The following ERBB4 variants were observed in gnomAD, a reference collection of about 807,000 sequenced individuals.
ERBB4 encodes erb-b2 receptor tyrosine kinase 4.
Under a neutral mutation model 158.0 loss-of-function variants are expected in ERBB4, and 42 were observed. The ratio of observed to expected loss-of-function variants is 0.27; its 90% CI spans 0.21 to 0.34. The LOEUF is 0.34. Ranked by LOEUF, ERBB4 falls within the 10% of genes least tolerant of loss-of-function variation. ERBB4 has a pLI of 1.00. For synonymous variants in ERBB4, 583 were observed against 558.7 expected (o/e 1.04, Z -0.61); for missense variants, 1,333 against 1,624.1 (o/e 0.82, Z 3.08).
intron 20 of ERBB4, among the ~76,000 whole-genome samples, chr2:211,552,213 A>C (rs998247321): frequency 6.6e-6 from 1 of 152,082 alleles, no homozygotes; most frequent in African/African-American, 2.4e-5. Flanking sequence ...GTAGAGTTGG[A>C]AATGAAAAAA....
At position 211,913,983 on chromosome 2, in the gene ERBB4, T is replaced by C. The variant is rs200978437; in HGVS notation, c.421+33447A>G. 1.9e-4 allele frequency among the ~76,000 whole-genome samples: 24 copies of C among 126,722 alleles called. 1 individual carries two copies. The East Asian group carries it at 4.2e-3, about 22-fold the overall frequency. The allele number at this position is 126,722 out of a possible 152,430, so 83.1% of individuals were successfully genotyped here. A position where few individuals can be genotyped will look rare whatever the true frequency, so the allele number is the denominator to read the frequency against. Reference sequence around the variant, plus strand: ...AATAAGTGGAGAAAATAAAGGAAAGTAGTAAAAAAGTCAAGGACAAGAAAT... The same window carrying C: ...AATAAGTGGAGAAAATAAAGGAAAGCAGTAAAAAAGTCAAGGACAAGAAAT... On this transcript the variant is annotated intron_variant, in intron 3 of 27. Transcript: ENST00000342788.
chr2:211,940,592 TA>T lies in ERBB4; in HGVS notation c.421+6837del, dbSNP rs567211667. 5.3e-5 allele frequency among the ~76,000 whole-genome samples: 8 copies of T among 152,230 alleles called. No homozygotes were observed. The East Asian group carries it at 1.5e-3, about 29-fold the overall frequency. On this transcript the variant is annotated intron_variant, in intron 3 of 27. Transcript: ENST00000342788. ...CCCTAATATTTTCTAAAGGATGCTC[TA>T]GGGATTAAATAGAATGTTCTTCAAA...
chr2:212,144,018 C>CA (rs58331172), intron 1 of ERBB4, among the ~76,000 whole-genome samples: 1,220 of 114,372 alleles, frequency 0.011, 14 homozygotes, highest in East Asian at 0.043. Flanking sequence ...GACTTCATCT[C>CA]AAAAAAAAAA....
intron 2 of ERBB4, among the ~76,000 whole-genome samples, chr2:212,082,631 A>G (rs17344051): frequency 0.15 from 22,386 of 151,944 alleles, 2,108 homozygotes; most frequent in Non-Finnish European, 0.21. Context: ...TTCGTATGAC[A>G]CTCAGTCTTA....
rs549531182 is a variant in ERBB4 at position 211,919,332 on chromosome 2, A to T, written c.421+28098T>A. On this transcript the variant is annotated intron_variant, in intron 3 of 27. Transcript: ENST00000342788. The stretch of plus-strand genomic sequence containing the variant: ...TTCCATGCAGACATCTTTACATGTG[A>T]TTTTATAAGGCTTTATACACTTTAT... 2.4e-4 allele frequency among the ~76,000 whole-genome samples: 37 copies of T among 152,216 alleles called. No individual in the cohort carries two copies. In the South Asian group the frequency reaches 7.5e-3, roughly 31 times the overall value.
intron 3 of ERBB4, among the ~76,000 whole-genome samples, chr2:211,853,201 T>C (rs1402898437): frequency 6.6e-6 from 1 of 151,962 alleles, no homozygotes; most frequent in Non-Finnish European, 1.5e-5. Context: ...GATTCTTGCA[T>C]AATTGTGTGA....
chr2:212,459,382 G>T (rs940689441), intron 1 of ERBB4, among the ~76,000 whole-genome samples: 1 of 141,638 alleles, frequency 7.1e-6, no homozygotes, highest in African/African-American at 2.7e-5. Flanking sequence ...AATATTAAAA[G>T]GAATAAATTT....
At chr2:211,530,275 T>A (rs1382212942) in intron 20 of ERBB4, among the ~76,000 whole-genome samples, 1 of 152,006 alleles carries the variant, frequency 6.6e-6, no homozygotes, top group Non-Finnish European at 1.5e-5. Flanking sequence ...ATAAAATACC[T>A]TGGGATTAAC....
intron 1 of ERBB4, among the ~76,000 whole-genome samples, chr2:212,471,334 A>G (rs1689107780): frequency 6.6e-6 from 1 of 152,038 alleles, no homozygotes; most frequent in African/African-American, 2.4e-5. Flanking sequence ...CTCTTTGCAG[A>G]GTCTTTAGCC....
chr2:211,613,817 G>C (rs1300543824), intron 19 of ERBB4, among the ~76,000 whole-genome samples: 1 of 152,028 alleles, frequency 6.6e-6, no homozygotes, highest in Non-Finnish European at 1.5e-5. Flanking sequence ...TACACTGTTG[G>C]TGCAAATGTA....
At chr2:212,325,272 T>C (rs1333539305) in intron 1 of ERBB4, among the ~76,000 whole-genome samples, 1 of 150,616 alleles carries the variant, frequency 6.6e-6, no homozygotes, top group Non-Finnish European at 1.5e-5. Context: ...TAAAACGTAA[T>C]TTGTAGATTT....
At chr2:212,332,547 G>A (rs2088228083) in intron 1 of ERBB4, among the ~76,000 whole-genome samples, 1 of 151,844 alleles carries the variant, frequency 6.6e-6, no homozygotes, top group Non-Finnish European at 1.5e-5. Context: ...TATTTTATTT[G>A]TCCTACTTTT....
At chr2:212,319,055 AC>A (rs2087433568) in intron 1 of ERBB4, among the ~76,000 whole-genome samples, 1 of 151,430 alleles carries the variant, frequency 6.6e-6, no homozygotes, top group Non-Finnish European at 1.5e-5. Context: ...AGTCTATGTC[AC>A]CTCCAATACC....
At chr2:211,642,211 T>C (rs1031262634) in intron 16 of ERBB4, among the ~76,000 whole-genome samples, 29 of 152,162 alleles carry the variant, frequency 1.9e-4, no homozygotes, top group Non-Finnish European at 4.3e-4. Context: ...TTTTAGTCTC[T>C]GTCTCTTCAC....
intron 20 of ERBB4, among the ~76,000 whole-genome samples, chr2:211,507,062 A>C (rs894824059): frequency 2.0e-5 from 3 of 151,996 alleles, no homozygotes; most frequent in African/African-American, 7.3e-5. Flanking sequence ...AAATACGATC[A>C]GAGATTAACT....
intron 1 of ERBB4, among the ~76,000 whole-genome samples, chr2:212,275,936 A>G (rs1232548025): frequency 6.6e-6 from 1 of 151,750 alleles, no homozygotes; most frequent in Non-Finnish European, 1.5e-5. Context: ...AATTTTTAGT[A>G]TTTCTAGGCT....
rs183358784 is a variant in ERBB4, at chr2:212,243,683, G to A, written c.83-118780C>T. On this transcript the variant is annotated intron_variant, in intron 1 of 27. Transcript: ENST00000342788. Reference sequence around the variant, plus strand: ...ACTGTAATAGTTGCTCTGAATTTCAGTTCTGGGGGTCATATCCCAATCACC... The same window carrying A: ...ACTGTAATAGTTGCTCTGAATTTCAATTCTGGGGGTCATATCCCAATCACC... 7.9e-3 allele frequency among the ~76,000 whole-genome samples: 1,201 copies of A among 152,120 alleles called. 9 individuals are homozygous for A. Among genetic ancestry groups the A allele is most frequent in the Non-Finnish European group, 0.012 (842 of 68,000 alleles).
In ERBB4 at chr2:212,114,068, A is replaced by G. The variant is rs993714003; in HGVS notation, c.234+10684T>C. ...CACCCCATGATAGACACTGTGTACT[A>G]TGCTAGAATTCTGCAGTGAACTAGA... On this transcript the variant is annotated intron_variant, in intron 2 of 27. Transcript: ENST00000342788. 2.0e-5 allele frequency among the ~76,000 whole-genome samples: 3 copies of G among 152,200 alleles called. No individual in the cohort carries two copies. In the East Asian group the frequency reaches 5.8e-4, roughly 29 times the overall value.
chr2:212,075,056 C>T (rs1337930289), intron 2 of ERBB4, among the ~76,000 whole-genome samples: 1 of 151,854 alleles, frequency 6.6e-6, no homozygotes, highest in Non-Finnish European at 1.5e-5. Flanking sequence ...GGGCTCTTTT[C>T]ATGATAACAC....
Sources: gnomAD v4.1 joint callset for allele counts (sites outside exome capture counted in the v4.1 genomes callset) on GRCh38, gnomAD v4.1.1 for gene constraint, MANE v1.5 for transcripts, NCBI Gene and HGNC (gene_info 2026-07-23, HGNC 2026-07-21) for gene names.